LATS2: variants seen among roughly 807,000 people sequenced by gnomAD.
The protein encoded by LATS2 is serine/threonine-protein kinase LATS2.
Under a neutral mutation model 76.0 loss-of-function variants are expected in LATS2, and 24 were observed. The observed-to-expected ratio is 0.32, with a 90% confidence interval of 0.23 to 0.44. The LOEUF (loss-of-function observed/expected upper bound fraction) is 0.44. LATS2 is among the 20% of genes least tolerant of loss of function. LATS2 has a pLI of 1.00. For synonymous variants in LATS2, 692 were observed against 635.4 expected (o/e 1.09, Z -1.34); for missense variants, 1,286 against 1,481.2 (o/e 0.87, Z 2.16).
chr13:21,017,940 A>G (rs568088885), intron 2 of LATS2: 1 of 152,212 alleles, frequency 6.6e-6, no homozygotes, highest in Non-Finnish European at 1.5e-5. Context: ...TCATTTCTTC[A>G]TACTAATAAT....
intron 2 of LATS2, among the ~76,000 whole-genome samples, chr13:21,018,658 CCT>C (rs1471954644): frequency 6.6e-6 from 1 of 151,668 alleles, no homozygotes; most frequent in Non-Finnish European, 1.5e-5. Context: ...TCTCAGAGTC[CCT>C]CTTTTTTTTT....
At chr13:20,981,761 G>T in intron 5 of LATS2, 113 bp from the exon 6 acceptor site, 1 of 858,436 alleles carries the variant, frequency 1.2e-6, no homozygotes, top group Non-Finnish European at 1.8e-6. Flanking sequence ...ATTCCAATCA[G>T]CTCCTGACAT....
chr13:20,991,151 G>T lies in LATS2; in HGVS notation c.475+121C>A, dbSNP rs1043601767. 31 of 1,238,232 alleles carry T rather than the reference G, an allele frequency of 2.5e-5. No homozygotes were observed. The highest frequency in any genetic ancestry group is 3.3e-5 in the Non-Finnish European group (29 of 870,764). 76.7% of individuals were successfully genotyped at this position (1,238,232 alleles called of 1,614,324 possible). A position where few individuals can be genotyped will look rare whatever the true frequency, so the allele number is the denominator to read the frequency against. ...CTCAGCTTGCCTGTTAACTGAATGA[G>T]GCAATGTGCCAGGAGACTGGCTCTG... On this transcript the variant is annotated intron_variant, in intron 3 of 7. Transcript: ENST00000382592. The surrounding 1 kb of genome is among the most constrained non-coding windows in gnomAD (Gnocchi z 4.9).
intron 2 of LATS2, among the ~76,000 whole-genome samples, chr13:21,034,718 C>T (rs1240974706): frequency 2.8e-5 from 4 of 143,176 alleles, no homozygotes; most frequent in African/African-American, 7.8e-5. Flanking sequence ...CTTCTGACAC[C>T]TGGGGCCGCT....
intron 2 of LATS2, among the ~76,000 whole-genome samples, chr13:21,044,689 GGTGTGTGTGT>G (rs71090554): frequency 0.073 from 10,108 of 137,592 alleles, 513 homozygotes; most frequent in African/African-American, 0.15. Context: ...GAGGTGTAGG[GGTGTGTGTGT>G]GTGTGTGTGT....
At chr13:21,041,572 G>A (rs901110655) in intron 2 of LATS2, among the ~76,000 whole-genome samples, 1 of 152,108 alleles carries the variant, frequency 6.6e-6, no homozygotes, top group African/African-American at 2.4e-5. Flanking sequence ...ATGTATCAAT[G>A]CTGAGCCACA....
chr13:20,989,375 GT>G (rs1486882927), intron 3 of LATS2, 71 bp from the exon 4 acceptor site: 35 of 1,534,910 alleles, frequency 2.3e-5, no homozygotes, highest in Non-Finnish European at 3.1e-5. Context: ...TTCCAGGCTG[GT>G]CCCCACTCTA....
At chr13:21,060,494 G>A (rs979797437) in intron 1 of LATS2, among the ~76,000 whole-genome samples, 3 of 152,194 alleles carry the variant, frequency 2.0e-5, no homozygotes, top group Admixed American at 2.0e-4. Flanking sequence ...GAGCAAACTC[G>A]CAGAGTTGGC....
chr13:20,996,974 C>T (rs1199316052), intron 2 of LATS2, among the ~76,000 whole-genome samples: 1 of 152,212 alleles, frequency 6.6e-6, no homozygotes, highest in East Asian at 1.9e-4. Flanking sequence ...CCCCGAGGGG[C>T]CTGGCAGCCT....
rs537898083 is a variant in LATS2, at chr13:21,006,378, A to T, written c.343-14974T>A. On this transcript the variant is annotated intron_variant, in intron 2 of 7. Coordinates refer to ENST00000382592, the MANE Select transcript of LATS2 (RefSeq NM_014572.3). ...CCAGCGCCCACTGTGTACATCCCTT[A>T]AAAAAGTGAGCAGACAGCCAGCTTA... Among the ~76,000 whole-genome samples the T allele has an allele frequency of 5.7e-4, 86 of 152,198 alleles. 1 individual carries two copies. The South Asian group carries it at 0.016, about 29-fold the overall frequency.
chr13:20,984,099 A>C (rs1870036206), intron 4 of LATS2, among the ~76,000 whole-genome samples: 1 of 152,044 alleles, frequency 6.6e-6, no homozygotes. Context: ...ACACCTGGCT[A>C]ATTTTTGTAT....
At chr13:21,052,000 T>C (rs1873286979) in intron 1 of LATS2, among the ~76,000 whole-genome samples, 1 of 152,126 alleles carries the variant, frequency 6.6e-6, no homozygotes, top group African/African-American at 2.4e-5. Flanking sequence ...GGGTGTGCAG[T>C]GCTAAAGTGG....
At chr13:20,997,754 C>T (rs536381194) in intron 2 of LATS2, among the ~76,000 whole-genome samples, 11 of 152,214 alleles carry the variant, frequency 7.2e-5, no homozygotes, top group Admixed American at 1.3e-4. Context: ...TTCAATCTAC[C>T]GCTCAGCTCT....
At chr13:21,046,391 T>C (rs889271528) in intron 1 of LATS2, among the ~76,000 whole-genome samples, 161 bp from the exon 2 acceptor site, 1 of 152,220 alleles carries the variant, frequency 6.6e-6, no homozygotes, top group East Asian at 1.9e-4. Context: ...TGTTCAACCA[T>C]GGTTAGAGCA....
chr13:20,996,440 G>A (rs906098498), intron 2 of LATS2, among the ~76,000 whole-genome samples: 2 of 149,356 alleles, frequency 1.3e-5, no homozygotes, highest in Non-Finnish European at 1.5e-5. Flanking sequence ...GTACAGTGGC[G>A]TAATATTGGC....
At chr13:20,994,615 C>A (rs1870664443) in intron 2 of LATS2, among the ~76,000 whole-genome samples, 1 of 152,178 alleles carries the variant, frequency 6.6e-6, no homozygotes, top group Non-Finnish European at 1.5e-5. Flanking sequence ...GGAGACCAAG[C>A]TGGATGTGGT....
At chr13:21,011,308 C>T (rs1046786131) in intron 2 of LATS2, among the ~76,000 whole-genome samples, 5 of 152,140 alleles carry the variant, frequency 3.3e-5, no homozygotes, top group African/African-American at 9.7e-5. Flanking sequence ...AGTTGGGATC[C>T]GCAGGTCCCC....
intron 7 of LATS2, among the ~76,000 whole-genome samples, chr13:20,979,182 A>T (rs1869759871): frequency 6.6e-6 from 1 of 152,206 alleles, no homozygotes; most frequent in South Asian, 2.1e-4. Flanking sequence ...AATACAAAAT[A>T]TGTGTTCATT....
Position 20,974,160 on chromosome 13 carries a change from G to A in LATS2, c.*710C>T, listed in dbSNP as rs1435390795. 2 of 228,044 alleles carry A rather than the reference G, an allele frequency of 8.8e-6. No individual in the cohort carries two copies. The highest frequency in any genetic ancestry group is 1.7e-5 in the Non-Finnish European group (2 of 114,878). The allele number at this position is 228,044 out of a possible 1,614,324, so 14.1% of individuals were successfully genotyped here. ...ACACTCAGTAAAAACGTATTCACAG[G>A]ACCTGCTGTGAATGGCAAGATATGG... On this transcript the variant is annotated 3_prime_UTR_variant, in exon 8 of 8. Transcript: ENST00000382592.
Sources: gnomAD v4.1 joint callset for allele counts (sites outside exome capture counted in the v4.1 genomes callset) on GRCh38, gnomAD v4.1.1 for gene constraint, Gnocchi (gnomAD v3.1) non-coding constraint, MANE v1.5 for transcripts, NCBI Gene and HGNC (gene_info 2026-07-23, HGNC 2026-07-21) for gene names.